The following ASXL3 variants were observed in gnomAD, a reference collection of about 807,000 sequenced individuals.
ASXL3 encodes putative Polycomb group protein ASXL3.
ASXL3 carries 34 observed loss-of-function variants against 170.6 expected under a neutral mutation model. That is an observed-to-expected ratio of 0.20 (90% CI 0.15 to 0.27). The LOEUF (loss-of-function observed/expected upper bound fraction) is 0.27, where lower values mean the gene tolerates loss of function less well. Ranked by LOEUF, ASXL3 falls within the 10% of genes least tolerant of loss-of-function variation. The pLI is 1.00. For synonymous variants in ASXL3, 1,002 were observed against 989.1 expected, an observed-to-expected ratio of 1.01 and a Z score of -0.24; for missense variants, 2,592 against 2,695.3, an observed-to-expected ratio of 0.96 and a Z score of 0.85.
intron 8 of ASXL3, among the ~76,000 whole-genome samples, chr18:33,730,785 CAT>C (rs1428028867): frequency 1.3e-5 from 2 of 152,188 alleles, no homozygotes; most frequent in Non-Finnish European, 2.9e-5. Context: ...CACATAGGTT[CAT>C]ATGAGTGGCT....
chr18:33,663,078 G>A (rs1249795476), intron 5 of ASXL3, among the ~76,000 whole-genome samples: 2 of 152,124 alleles, frequency 1.3e-5, no homozygotes, highest in Non-Finnish European at 2.9e-5. Context: ...GCCACTTACT[G>A]CATTTGAAAT....
At chr18:33,591,919 G>A (rs1425869424) in intron 1 of ASXL3, among the ~76,000 whole-genome samples, 2 of 152,070 alleles carry the variant, frequency 1.3e-5, no homozygotes, top group Non-Finnish European at 2.9e-5. Context: ...GGGATTACAG[G>A]CAACACTACT....
chr18:33,583,240 T>TTATAATCAGG (rs2065008060), intron 1 of ASXL3, among the ~76,000 whole-genome samples: 1 of 152,322 alleles, frequency 6.6e-6, no homozygotes, highest in South Asian at 2.1e-4. Flanking sequence ...TGATTTCAGG[T>TTATAATCAGG]TATAATCAGG....
At chr18:33,703,477 C>A (rs1599517097) in intron 8 of ASXL3, among the ~76,000 whole-genome samples, 1 of 152,276 alleles carries the variant, frequency 6.6e-6, no homozygotes, top group East Asian at 1.9e-4. Context: ...GGAGCCACCA[C>A]CCTACAGTGG....
intron 1 of ASXL3, among the ~76,000 whole-genome samples, chr18:33,606,459 G>A (rs1246194905): frequency 6.6e-6 from 1 of 151,938 alleles, no homozygotes; most frequent in Non-Finnish European, 1.5e-5. Flanking sequence ...ACACACTGAG[G>A]GACCTTGATG....
chr18:33,591,663 A>T (rs533628807), intron 1 of ASXL3, among the ~76,000 whole-genome samples: 12 of 151,292 alleles, frequency 7.9e-5, no homozygotes, highest in African/African-American at 2.9e-4. Flanking sequence ...TCTTTTTTAA[A>T]CGAAGTCTTT....
In ASXL3 at chr18:33,633,562, C is replaced by T. The variant is rs180769466; in HGVS notation, c.138-11332C>T. Among the ~76,000 whole-genome samples, 40 of 152,086 alleles carry T rather than the reference C, an allele frequency of 2.6e-4. 2 individuals are homozygous for T. Among genetic ancestry groups the T allele is most frequent in the Admixed American group, 2.3e-3 (35 of 15,268 alleles). ...AGAATATACACTTGTAAAAAATTCA[C>T]GCATGGCGCGGTGGCTCATGCCTGT... On this transcript the variant is annotated intron_variant, in intron 2 of 11. Transcript: ENST00000269197.
At chr18:33,603,808 G>A (rs2065212893) in intron 1 of ASXL3, among the ~76,000 whole-genome samples, 1 of 152,086 alleles carries the variant, frequency 6.6e-6, no homozygotes, top group Admixed American at 6.6e-5. Context: ...AGTGAAGTAA[G>A]ATCACAAATA....
At chr18:33,605,112 G>A (rs2065230295) in intron 1 of ASXL3, among the ~76,000 whole-genome samples, 1 of 151,976 alleles carries the variant, frequency 6.6e-6, no homozygotes, top group African/African-American at 2.4e-5. Context: ...CATCCAAAAT[G>A]TAAGCAACAA....
At chr18:33,589,144 C>G (rs566547006) in intron 1 of ASXL3, among the ~76,000 whole-genome samples, 2 of 152,286 alleles carry the variant, frequency 1.3e-5, no homozygotes, top group South Asian at 4.1e-4. Flanking sequence ...AAGTCTGCCA[C>G]TTACTATGTG....
At chr18:33,679,197 A>T (rs1183343293) in intron 7 of ASXL3, among the ~76,000 whole-genome samples, 1 of 152,008 alleles carries the variant, frequency 6.6e-6, no homozygotes, top group Non-Finnish European at 1.5e-5. Flanking sequence ...AATTAAGCAA[A>T]TTTTTTTCTC....
At chr18:33,700,559 T>G (rs1347398166) in intron 8 of ASXL3, among the ~76,000 whole-genome samples, 1 of 151,812 alleles carries the variant, frequency 6.6e-6, no homozygotes, top group Non-Finnish European at 1.5e-5. Context: ...GAATGAAGTT[T>G]GAAATAGCAA....
chr18:33,620,780 A>G (rs1291558573), intron 2 of ASXL3, among the ~76,000 whole-genome samples: 1 of 152,146 alleles, frequency 6.6e-6, no homozygotes, highest in East Asian at 1.9e-4. Context: ...GCAGATAATT[A>G]TTTAAACTTT....
chr18:33,704,803 T>A (rs1011401605), intron 8 of ASXL3, among the ~76,000 whole-genome samples: 16 of 152,034 alleles, frequency 1.1e-4, no homozygotes, highest in African/African-American at 3.6e-4. Context: ...GTTTTATACG[T>A]TAGAAGTATC....
chr18:33,667,213 A>G (rs989514110), intron 5 of ASXL3, among the ~76,000 whole-genome samples: 1 of 152,174 alleles, frequency 6.6e-6, no homozygotes, highest in Non-Finnish European at 1.5e-5. Context: ...AACACTGGTT[A>G]AGATAACTTT....
chr18:33,644,124 G>A (rs2065883694), intron 2 of ASXL3, among the ~76,000 whole-genome samples: 1 of 151,826 alleles, frequency 6.6e-6, no homozygotes, highest in African/African-American at 2.4e-5. Flanking sequence ...TTCTAATAAT[G>A]TTTATACATA....
rs549315758 is a variant in ASXL3 at position 33,740,191 on chromosome 18, T to A, written c.2787T>A (p.Ser929Arg). The change falls in exon 11 of 12, where the codon AGT becomes AGA. Residue 929 changes from serine to arginine, a missense_variant. Ser to Arg is a moderately radical substitution (Grantham distance 110, BLOSUM62 -1). Transcript: ENST00000269197. The stretch of plus-strand genomic sequence containing the variant: ...GAAATAAAACACATAAGCAAGGGAG[T>A]ACACAGAGTCGGTTAGAAACCTCAC... ...GSRNKTHKQG[S>R]TQSRLETSHT... The A allele has an allele frequency of 3.1e-6, 5 of 1,613,422 alleles. No individual in the cohort carries two copies. The highest frequency in any genetic ancestry group is 4.2e-6 in the Non-Finnish European group (5 of 1,179,768).
intron 8 of ASXL3, among the ~76,000 whole-genome samples, chr18:33,730,372 A>C (rs916273287): frequency 2.0e-5 from 3 of 152,142 alleles, no homozygotes; most frequent in African/African-American, 7.2e-5. Flanking sequence ...GACAGAATGC[A>C]TGCAGTCTGC....
chr18:33,699,083 G>C (rs1030393570), intron 8 of ASXL3, among the ~76,000 whole-genome samples: 2 of 152,078 alleles, frequency 1.3e-5, no homozygotes, highest in African/African-American at 2.4e-5. Flanking sequence ...ACAAAATATA[G>C]TCTAAGATAT....
Sources: allele counts gnomAD v4.1 joint callset (sites outside exome capture counted in the v4.1 genomes callset), GRCh38; gene constraint gnomAD v4.1.1; transcripts MANE v1.5; gene names NCBI Gene and HGNC (gene_info 2026-07-23, HGNC 2026-07-21).